The following CIMAP2 variants were observed in gnomAD, a reference collection of about 807,000 sequenced individuals.
The protein encoded by CIMAP2 is ciliary microtubule associated protein 2.
At chr1:54,830,810 A>C in the CIMAP2 span, among the ~76,000 whole-genome samples, 151,206 of 152,326 alleles carry the variant, frequency 0.99, 75,072 homozygotes, top group Middle Eastern at 1. This position sits in a 1 kb window ranked among gnomAD's most constrained non-coding sequence, Gnocchi z 4.1. Flanking sequence ...TAGCTTTACC[A>C]TTTACTGATT....
chr1:54,820,765 C>T, the CIMAP2 span, among the ~76,000 whole-genome samples: 1 of 151,192 alleles, frequency 6.6e-6, no homozygotes, highest in African/African-American at 2.4e-5. Flanking sequence ...GTCCTTTGCC[C>T]ACTTTTTTTG....
At chr1:54,823,309 C>A in the CIMAP2 span, among the ~76,000 whole-genome samples, 70 of 151,714 alleles carry the variant, frequency 4.6e-4, no homozygotes, top group African/African-American at 1.7e-3. Flanking sequence ...ACCACTTTAT[C>A]ATTATCTAAT....
At chr1:54,821,359 G>A in the CIMAP2 span, among the ~76,000 whole-genome samples, 1 of 151,990 alleles carries the variant, frequency 6.6e-6, no homozygotes, top group South Asian at 2.1e-4. Context: ...TTACAATTTT[G>A]GGTCTGACAT....
chr1:54,818,222 C>T, the CIMAP2 span, among the ~76,000 whole-genome samples: 1 of 152,158 alleles, frequency 6.6e-6, no homozygotes, highest in African/African-American at 2.4e-5. Context: ...TACTTAGTGG[C>T]TTCCCTCCAT....
chr1:54,811,765 G>GCCGGGGGGGGGGGGCCCGCCCCCCCCC, the CIMAP2 span: 1 of 1,301,332 alleles, frequency 7.7e-7, no homozygotes. Context: ...GGTTCTGACA[G>GCCGGGGGGGGGGGGCCCGCCCCCCCCC]CCTCCATGCC....
At chr1:54,833,474 G>A in the CIMAP2 span, among the ~76,000 whole-genome samples, 1 of 152,182 alleles carries the variant, frequency 6.6e-6, no homozygotes, top group Non-Finnish European at 1.5e-5. Context: ...TGCGGCTACA[G>A]CTAATCTTTC....
chr1:54,830,568 G>C, the CIMAP2 span, among the ~76,000 whole-genome samples: 1 of 152,074 alleles, frequency 6.6e-6, no homozygotes. The surrounding 1 kb of genome is among the most constrained non-coding windows in gnomAD (Gnocchi z 4.1). Context: ...GCTATGCCTG[G>C]TGCCATCCTG....
chr1:54,832,033 T>C, the CIMAP2 span, among the ~76,000 whole-genome samples: 6 of 152,164 alleles, frequency 3.9e-5, no homozygotes, highest in African/African-American at 1.4e-4. Flanking sequence ...TTTTTGTAGA[T>C]GGGGTTTCAC....
chr1:54,807,133 C>T, the CIMAP2 span: 11 of 1,535,628 alleles, frequency 7.2e-6, no homozygotes, highest in Non-Finnish European at 9.0e-6. Context: ...TGGCCACTGC[C>T]CCTTCGAGCT....
the CIMAP2 span, chr1:54,815,042 A>G: frequency 6.2e-7 from 1 of 1,614,096 alleles, no homozygotes; most frequent in Non-Finnish European, 8.5e-7. Flanking sequence ...GAAGCTGGGT[A>G]AGTGGGTCTG....
At chr1:54,808,826 G>T in the CIMAP2 span, among the ~76,000 whole-genome samples, 597 of 152,122 alleles carry the variant, frequency 3.9e-3, 3 homozygotes, top group African/African-American at 0.012. Context: ...CCTACCAAGG[G>T]AGCCAGCACA....
At chr1:54,811,870 G>T in the CIMAP2 span, 17 of 1,609,748 alleles carry the variant, frequency 1.1e-5, no homozygotes, top group Non-Finnish European at 1.4e-5. Context: ...GCCTGGAACC[G>T]GTCTCATTCC....
the CIMAP2 span, chr1:54,841,505 G>A: frequency 6.5e-7 from 1 of 1,540,214 alleles, no homozygotes; most frequent in Non-Finnish European, 8.8e-7. Flanking sequence ...TCTCAGGGTT[G>A]GGTTAGATAA....
At chr1:54,806,901 T>C in the CIMAP2 span, 4 of 1,156,296 alleles carry the variant, frequency 3.5e-6, no homozygotes, top group Non-Finnish European at 5.2e-6. Flanking sequence ...CAAAGTCACC[T>C]TCCCGGGCAG....
At chr1:54,807,964 C>T in the CIMAP2 span, 12 of 1,606,740 alleles carry the variant, frequency 7.5e-6, no homozygotes, top group East Asian at 6.8e-5. Context: ...ATGTAGCACC[C>T]GGGGGCTGCT....
chr1:54,816,840 C>T, the CIMAP2 span: 6 of 1,027,138 alleles, frequency 5.8e-6, no homozygotes, highest in African/African-American at 1.6e-5. Flanking sequence ...TGGGGTTGCT[C>T]GGGGTTGGGA....
the CIMAP2 span, chr1:54,812,237 G>A: frequency 6.2e-7 from 1 of 1,609,890 alleles, no homozygotes; most frequent in African/African-American, 1.3e-5. Flanking sequence ...CCAGCAGGAT[G>A]ACAGGCCTCA....
chr1:54,812,131 A>C, the CIMAP2 span: 1 of 1,614,016 alleles, frequency 6.2e-7, no homozygotes, highest in Non-Finnish European at 8.5e-7. Flanking sequence ...CGCGGCCCCT[A>C]TGACACTTTC....
the CIMAP2 span, among the ~76,000 whole-genome samples, chr1:54,808,174 G>A: frequency 6.6e-6 from 1 of 152,226 alleles, no homozygotes; most frequent in Non-Finnish European, 1.5e-5. Context: ...ATCTAGCAGT[G>A]ACGAAGACAA....
Sources: gnomAD v4.1 joint callset for allele counts (sites outside exome capture counted in the v4.1 genomes callset) on GRCh38, gnomAD v4.1.1 for gene constraint, Gnocchi (gnomAD v3.1) non-coding constraint, MANE v1.5 for transcripts, NCBI Gene and HGNC (gene_info 2026-07-23, HGNC 2026-07-21) for gene names.